The following ADCY3 variants were observed in gnomAD, a reference collection of about 807,000 sequenced individuals.
ADCY3 encodes adenylate cyclase 3.
ADCY3 carries 70 observed loss-of-function variants against 119.4 expected under a neutral mutation model. The observed-to-expected ratio is 0.59, with a 90% CI of 0.48 to 0.72. The LOEUF is 0.72. Among genes scored for constraint, ADCY3 ranks in the 30% least tolerant of loss-of-function variants. ADCY3 has a pLI of 0.00. For missense variants in ADCY3, 1,238 were observed against 1,541.6 expected (o/e 0.80, Z 3.30); for synonymous variants, 672 against 621.4 (o/e 1.08, Z -1.21).
At chr2:24,830,074 G>GCTCT (rs1553335948) in intron 13 of ADCY3, among the ~76,000 whole-genome samples, 1 of 15,072 alleles carries the variant, frequency 6.6e-5, no homozygotes, top group Non-Finnish European at 9.9e-5. Flanking sequence ...ACGGAGTCTT[G>GCTCT]CTGTCGCCTA....
intron 13 of ADCY3, among the ~76,000 whole-genome samples, chr2:24,828,530 C>T: frequency 6.6e-6 from 1 of 152,180 alleles, no homozygotes; most frequent in East Asian, 1.9e-4. Context: ...ACTGTTGCTT[C>T]AGGAGGGGCC....
intron 3 of ADCY3, among the ~76,000 whole-genome samples, chr2:24,868,134 G>A (rs1674521306): frequency 6.6e-6 from 1 of 152,126 alleles, no homozygotes; most frequent in African/African-American, 2.4e-5. Flanking sequence ...TATGTTCTCT[G>A]ACCAGAATAA....
chr2:24,898,915 G>A lies in ADCY3; in HGVS notation c.675+19398C>T, dbSNP rs1678598015. ...GAACTCCAGCGCGGACGCCAAGCAC[G>A]ACCACGGCAGGTGACCTGCCCTCCC... On this transcript the variant is annotated intron_variant, in intron 2 of 21. Transcript: ENST00000679454. This position sits in a 1 kb window ranked among gnomAD's most constrained non-coding sequence, Gnocchi z 4.3. 6.6e-6 allele frequency among the ~76,000 whole-genome samples: 1 copy of A among 152,116 alleles called. No individual in the cohort carries two copies. Among genetic ancestry groups the A allele is most frequent in the Non-Finnish European group, 1.5e-5 (1 of 68,016 alleles).
intron 3 of ADCY3, among the ~76,000 whole-genome samples, chr2:24,844,092 G>A (rs1051531904): frequency 5.3e-5 from 8 of 152,242 alleles, no homozygotes; most frequent in African/African-American, 1.9e-4. Context: ...AAGGGGCCAA[G>A]ATACAAATGA....
At position 24,831,664 on chromosome 2, in the gene ADCY3, G is replaced by A. The variant is rs375408318; in HGVS notation, c.2053C>T (p.Arg685Trp). Residue 685 changes from arginine (R) to tryptophan (W), a missense_variant and splice_region_variant, in exon 12 of 22, where the codon CGG becomes TGG. Physicochemically the swap from Arg to Trp is moderately radical, Grantham distance 101. This residue lies in a region of ADCY3 where 499 missense variants were observed against 571.0 expected (regional missense o/e 0.87). Coordinates refer to ENST00000679454, the MANE Select transcript of ADCY3 (RefSeq NM_004036.5). The part of the protein sequence containing the change: ...TICSLAAIFP[R>W]AFPKKLVAFS... ...CTCAGTAGAAAAGTGCCTCTTACCC[G>A]GGGAAAGATGGCAGCCAGGGAGCAG... 5 of 1,612,958 alleles carry A rather than the reference G, an allele frequency of 3.1e-6. No individual in the cohort carries two copies. The highest frequency in any genetic ancestry group is 1.3e-5 in the African/African-American group (1 of 74,900).
intron 2 of ADCY3, among the ~76,000 whole-genome samples, chr2:24,907,372 G>A (rs1268733964): frequency 1.3e-5 from 2 of 152,218 alleles, no homozygotes; most frequent in South Asian, 4.1e-4. Flanking sequence ...TTCAAGTCCA[G>A]TCGCTTATGT....
intron 2 of ADCY3, among the ~76,000 whole-genome samples, chr2:24,907,723 A>G (rs10198356): frequency 0.52 from 79,334 of 152,108 alleles, 22,866 homozygotes; most frequent in African/African-American, 0.78. Context: ...GACTGGGCGC[A>G]GTAGCTCACG....
Position 24,872,225 on chromosome 2 carries a change from T to G in ADCY3, c.825+345A>C, listed in dbSNP as rs147390063. 7.4e-4 allele frequency among the ~76,000 whole-genome samples: 113 copies of G among 152,270 alleles called. No individual in the cohort carries two copies. The highest frequency in any genetic ancestry group is 1.4e-3 in the Non-Finnish European group (93 of 68,008). Reference sequence around the variant, plus strand: ...CCTGACCTTGGTCCCGAGAAGGTCATCTGAGAAAGGAATGCAGGAAGTCAT... The same window carrying G: ...CCTGACCTTGGTCCCGAGAAGGTCAGCTGAGAAAGGAATGCAGGAAGTCAT... On this transcript the variant is annotated intron_variant, in intron 3 of 21. Coordinates refer to ENST00000679454, the MANE Select transcript of ADCY3 (RefSeq NM_004036.5). This position sits in a 1 kb window ranked among gnomAD's most constrained non-coding sequence, Gnocchi z 4.4.
chr2:24,918,502 G>C lies in ADCY3; in HGVS notation c.486C>G (p.Ala162=), dbSNP rs1360659900. The change falls in exon 2 of 22, where the codon GCC becomes GCG. Residue 162 remains alanine, a synonymous_variant. Coordinates refer to ENST00000679454, the MANE Select transcript of ADCY3 (RefSeq NM_004036.5). This position sits in a 1 kb window ranked among gnomAD's most constrained non-coding sequence, Gnocchi z 5.4. ...FSYLGLNFAR[A]HAASDTVGWQ... ...AGCCCACCGTGTCACTAGCCGCGTG[G>C]GCACGCGCGAAGTTCAGGCCCAGGT... 2 of 1,613,988 alleles carry C rather than the reference G, an allele frequency of 1.2e-6. No homozygotes were observed. Among genetic ancestry groups the C allele is most frequent in the East Asian group, 4.5e-5 (2 of 44,884 alleles).
intron 20 of ADCY3, chr2:24,821,059 T>G (rs1474398217): frequency 1.7e-6 from 1 of 604,454 alleles, no homozygotes; most frequent in East Asian, 3.2e-5. Flanking sequence ...CCCCCCCCCA[T>G]ATGCAGATTT....
At chr2:24,893,019 TAATCTATG>T (rs1377694056) in intron 2 of ADCY3, among the ~76,000 whole-genome samples, 3 of 151,308 alleles carry the variant, frequency 2.0e-5, no homozygotes. Context: ...CTTTTACTTT[TAATCTATG>T]TGTCTTTTTT....
Position 24,824,467 on chromosome 2 carries a change from CAT to C in ADCY3, c.2645_2646del (p.Tyr882Ter). 1 of 1,614,276 alleles carries C rather than the reference CAT, an allele frequency of 6.2e-7. No individual in the cohort carries two copies. On this transcript the variant is annotated frameshift_variant, in exon 17 of 22. Transcript: ENST00000679454. LOFTEE classifies it high-confidence loss of function. ...AAGGCCTCGTTCCAGCGTCGCATCT[CAT>C]AGACACGTTCCTTCTGGTCGTGGAC... ...IEVHDQKERV[Y>X]EMRRWNEALV...
intron 7 of ADCY3, 67 bp from the exon 8 acceptor site, chr2:24,838,689 C>A: frequency 6.2e-7 from 1 of 1,600,340 alleles, no homozygotes; most frequent in South Asian, 1.1e-5. Flanking sequence ...AGGGGACAGT[C>A]CACGGACCAC....
intron 8 of ADCY3, 55 bp downstream of exon 8, chr2:24,838,390 C>A (rs1262788115): frequency 1.3e-6 from 2 of 1,484,668 alleles, no homozygotes; most frequent in Non-Finnish European, 1.8e-6. Context: ...CCTTTCCAAC[C>A]CCCTAATCCA....
At chr2:24,820,927 C>A (rs1558392878) in intron 20 of ADCY3, 79 bp from the exon 21 acceptor site, 1 of 1,563,014 alleles carries the variant, frequency 6.4e-7, no homozygotes, top group East Asian at 2.3e-5. Context: ...CCTCTCCAGA[C>A]CTGTACCACA....
At chr2:24,901,567 G>C (rs958281731) in intron 2 of ADCY3, among the ~76,000 whole-genome samples, 28 of 152,306 alleles carry the variant, frequency 1.8e-4, no homozygotes, top group African/African-American at 5.8e-4. Flanking sequence ...GGGGGATTCT[G>C]TACCCAGGTT....
chr2:24,841,323 C>A lies in ADCY3; in HGVS notation c.1132G>T (p.Asp378Tyr). 6.3e-7 allele frequency: 1 copy of A among 1,591,162 alleles called. No homozygotes were observed. The highest frequency in any genetic ancestry group is 1.1e-5 in the South Asian group (1 of 87,542). Residue 378 changes from aspartate (D) to tyrosine (Y), a missense_variant, in exon 6 of 22, where the codon GAC (aspartate) becomes TAC (tyrosine). Physicochemically the swap from Asp to Tyr is radical, Grantham distance 160. This residue lies in a region of ADCY3 where 283 missense variants were observed against 437.2 expected (regional missense o/e 0.65). Coordinates refer to ENST00000679454, the MANE Select transcript of ADCY3 (RefSeq NM_004036.5). This position sits in a 1 kb window ranked among gnomAD's most constrained non-coding sequence, Gnocchi z 5.8. ...DCYYCICGLP[D>Y]YREDHAVCSI... is the part of the protein sequence containing the mutation. ...CAGACGGCGTGGTCCTCCCGGTAGT[C>A]GGGCAAGCCGCAGATGCAGTAGTAG...
Position 24,842,787 on chromosome 2 carries a change from T to C in ADCY3, c.826-403A>G, listed in dbSNP as rs1356361935. On this transcript the variant is annotated intron_variant, in intron 3 of 21. Transcript: ENST00000679454. This position sits in a 1 kb window ranked among gnomAD's most constrained non-coding sequence, Gnocchi z 4.9. ...CTGCACAGAGCCATCGCTCACAAAA[T>C]TCTGCTTTGACCTGATCAAAGACTG... Among the ~76,000 whole-genome samples, 1 of 152,132 alleles carries C rather than the reference T, an allele frequency of 6.6e-6. No individual in the cohort carries two copies. Among genetic ancestry groups the C allele is most frequent in the East Asian group, 1.9e-4 (1 of 5,178 alleles).
In ADCY3 at chr2:24,881,253, T is replaced by TCCCAG. The variant is rs1676368807; in HGVS notation, c.676-8539_676-8535dup. On this transcript the variant is annotated intron_variant, in intron 2 of 21. Coordinates refer to ENST00000679454, the MANE Select transcript of ADCY3 (RefSeq NM_004036.5). Reference sequence around the variant, plus strand: ...AAGCTGCAGCTTAGAGCCAAAGCCATCCCAGCCCAGATCAGCCCCACCCCA... The same window carrying TCCCAG: ...AAGCTGCAGCTTAGAGCCAAAGCCATCCCAGCCCAGCCCAGATCAGCCCCACCCCA... Among the ~76,000 whole-genome samples the TCCCAG allele has an allele frequency of 2.6e-5, 4 of 151,622 alleles. No homozygotes were observed. In the South Asian group the frequency reaches 8.3e-4, roughly 31 times the overall value.
Sources: gnomAD v4.1 joint callset for allele counts (sites outside exome capture counted in the v4.1 genomes callset) on GRCh38, gnomAD v4.1.1 for gene constraint, gnomAD v4.1.1 regional missense constraint, Gnocchi (gnomAD v3.1) non-coding constraint, MANE v1.5 for transcripts, NCBI Gene and HGNC (gene_info 2026-07-23, HGNC 2026-07-21) for gene names.